The following ATP6V1A variants were observed in gnomAD, a reference collection of about 807,000 sequenced individuals.
ATP6V1A encodes the protein V-type proton ATPase catalytic subunit A.
A neutral mutation model predicts 70.1 loss-of-function variants in ATP6V1A; 18 were observed. That is an observed-to-expected ratio of 0.26 (90% confidence interval 0.18 to 0.38). ATP6V1A has a LOEUF of 0.38. ATP6V1A is among the 10% of genes least tolerant of loss of function. The pLI, the probability that ATP6V1A is intolerant of heterozygous loss-of-function variation, is 1.00. For missense variants in ATP6V1A, 424 were observed against 772.4 expected (o/e 0.55, Z 5.35); for synonymous variants, 232 against 253.8 (o/e 0.91, Z 0.82).
intron 2 of ATP6V1A, among the ~76,000 whole-genome samples, chr3:113,780,056 T>C (rs1402272318): frequency 3.3e-5 from 5 of 152,198 alleles, no homozygotes; most frequent in Non-Finnish European, 7.3e-5. Context: ...AAGTACTTAA[T>C]AAGGTAATGG....
intron 11 of ATP6V1A, among the ~76,000 whole-genome samples, chr3:113,797,036 A>C (rs1709159560): frequency 6.6e-6 from 1 of 152,146 alleles, no homozygotes; most frequent in Admixed American, 6.5e-5. Flanking sequence ...CCCGGGTTCA[A>C]GTGATTCTCC....
intron 8 of ATP6V1A, among the ~76,000 whole-genome samples, chr3:113,794,082 A>G (rs986655903): frequency 6.6e-6 from 1 of 152,226 alleles, no homozygotes; most frequent in African/African-American, 2.4e-5. Flanking sequence ...AATAGGAACT[A>G]GAACCCAACA....
intron 1 of ATP6V1A, among the ~76,000 whole-genome samples, chr3:113,750,477 A>C (rs1403115599): frequency 6.6e-6 from 1 of 152,168 alleles, no homozygotes; most frequent in East Asian, 1.9e-4. Context: ...GTGAGACTCC[A>C]TCTCAAAAAA....
chr3:113,802,834 TG>T (rs1709230767), intron 12 of ATP6V1A: 7 of 152,324 alleles, frequency 4.6e-5, no homozygotes, highest in Admixed American at 4.6e-4. Flanking sequence ...GGGTAATTTT[TG>T]TATTTTTTGT....
intron 13 of ATP6V1A, among the ~76,000 whole-genome samples, chr3:113,803,892 A>G (rs1709248068): frequency 6.6e-6 from 1 of 152,206 alleles, no homozygotes; most frequent in Non-Finnish European, 1.5e-5. Context: ...TCACTCATAT[A>G]TTCATCTATA....
chr3:113,758,260 A>T (rs1320030040), intron 1 of ATP6V1A, among the ~76,000 whole-genome samples: 4 of 152,228 alleles, frequency 2.6e-5, no homozygotes, highest in Non-Finnish European at 5.9e-5. Flanking sequence ...TGTGCTTTTT[A>T]AAAAATAATT....
intron 14 of ATP6V1A, among the ~76,000 whole-genome samples, chr3:113,808,594 A>G (rs1019184543): frequency 6.6e-6 from 1 of 152,016 alleles, no homozygotes; most frequent in Admixed American, 6.6e-5. Context: ...GCCTAGCTAA[A>G]TTATCTTTTA....
chr3:113,781,899 A>C (rs571179721), intron 3 of ATP6V1A, among the ~76,000 whole-genome samples: 10 of 152,314 alleles, frequency 6.6e-5, no homozygotes, highest in Non-Finnish European at 1.5e-4. Flanking sequence ...CATTCTTTTG[A>C]TAGCACTGAG....
rs1203782160 is a variant in ATP6V1A, at chr3:113,811,459, C to T, written c.*2032C>T. 6.6e-6 allele frequency: 1 copy of T among 152,576 alleles called. No homozygotes were observed. Among genetic ancestry groups the T allele is most frequent in the African/African-American group, 2.4e-5 (1 of 41,430 alleles). 9.5% of individuals were successfully genotyped at this position (152,576 alleles called of 1,614,324 possible). ...ATGGTGCTGTTTAATCAGTTTGCTT[C>T]CAAAGTGGCCTACTCAAGAGGCCCT... On this transcript the variant is annotated 3_prime_UTR_variant, in exon 15 of 15. Coordinates refer to ENST00000273398, the MANE Select transcript of ATP6V1A (RefSeq NM_001690.4).
intron 1 of ATP6V1A, among the ~76,000 whole-genome samples, chr3:113,750,026 A>T (rs940312741): frequency 1.3e-5 from 2 of 152,212 alleles, no homozygotes; most frequent in Non-Finnish European, 2.9e-5. Context: ...CTAAATGAAA[A>T]AGTGGCTCTG....
intron 14 of ATP6V1A, among the ~76,000 whole-genome samples, chr3:113,805,726 G>A (rs979229560): frequency 7.9e-5 from 12 of 152,184 alleles, no homozygotes; most frequent in East Asian, 3.9e-4. Context: ...GTGCCAGCAC[G>A]CCCAGCTAAT....
intron 1 of ATP6V1A, among the ~76,000 whole-genome samples, chr3:113,773,761 T>G (rs1464412714): frequency 6.6e-6 from 1 of 152,196 alleles, no homozygotes; most frequent in Non-Finnish European, 1.5e-5. Context: ...CCTCCAAGTC[T>G]CAGCTTAACC....
chr3:113,756,325 T>G (rs1270985134), intron 1 of ATP6V1A, among the ~76,000 whole-genome samples: 1 of 152,206 alleles, frequency 6.6e-6, no homozygotes, highest in East Asian at 1.9e-4. Context: ...AGTTAATATT[T>G]TGTTAATAGA....
chr3:113,751,685 A>G (rs1040149596), intron 1 of ATP6V1A, among the ~76,000 whole-genome samples: 6 of 151,050 alleles, frequency 4.0e-5, no homozygotes, highest in African/African-American at 1.5e-4. Context: ...TATACATATT[A>G]TGTATATACT....
chr3:113,805,902 T>C (rs1173932735), intron 14 of ATP6V1A, among the ~76,000 whole-genome samples: 2 of 152,196 alleles, frequency 1.3e-5, no homozygotes, highest in Admixed American at 6.5e-5. Flanking sequence ...TTGCAGTTAT[T>C]TTCACACATG....
At chr3:113,760,068 T>A (rs1708685558) in intron 1 of ATP6V1A, among the ~76,000 whole-genome samples, 1 of 152,200 alleles carries the variant, frequency 6.6e-6, no homozygotes, top group Non-Finnish European at 1.5e-5. Flanking sequence ...TCTTAGTAAA[T>A]CATACTATTG....
chr3:113,773,725 G>A (rs2108021605), intron 1 of ATP6V1A, among the ~76,000 whole-genome samples: 1 of 152,204 alleles, frequency 6.6e-6, no homozygotes, highest in South Asian at 2.1e-4. Flanking sequence ...AGCTTTACTA[G>A]ATACTCTGAT....
At chr3:113,801,261 G>A (rs910410906) in intron 12 of ATP6V1A, 3 of 151,530 alleles carry the variant, frequency 2.0e-5, no homozygotes, top group African/African-American at 7.3e-5. Context: ...ATGGACTAAT[G>A]TCTAAAATGT....
At chr3:113,786,498 A>G (rs941343410) in intron 6 of ATP6V1A, 115 bp downstream of exon 6, 10 of 1,028,512 alleles carry the variant, frequency 9.7e-6, no homozygotes, top group Non-Finnish European at 1.3e-5. Context: ...CATTTTATCT[A>G]GAGTAATAAT....
Sources: gnomAD v4.1 joint callset for allele counts (sites outside exome capture counted in the v4.1 genomes callset) on GRCh38, gnomAD v4.1.1 for gene constraint, MANE v1.5 for transcripts, NCBI Gene and HGNC (gene_info 2026-07-23, HGNC 2026-07-21) for gene names.